SLC44A5: variants seen among roughly 807,000 people sequenced by gnomAD.
SLC44A5 encodes choline transporter-like protein 5.
Under a neutral mutation model 101.8 loss-of-function variants are expected in SLC44A5, and 57 were observed. The observed-to-expected ratio is 0.56, with a 90% CI of 0.45 to 0.70. SLC44A5 has a LOEUF of 0.70. SLC44A5 is among the 30% of genes least tolerant of loss of function. The probability of loss-of-function intolerance (pLI) is 0.00; values close to 1 mark genes in which losing one functional copy is unlikely to be tolerated. For missense variants in SLC44A5, 737 were observed against 853.1 expected (o/e 0.86, Z 1.70); for synonymous variants, 281 against 290.9 (o/e 0.97, Z 0.35).
At chr1:75,357,554 A>G (rs1422055949) in intron 3 of SLC44A5, among the ~76,000 whole-genome samples, 2 of 152,158 alleles carry the variant, frequency 1.3e-5, no homozygotes, top group Non-Finnish European at 2.9e-5. Context: ...GAGGAAACAC[A>G]AAGGCCCTGG....
chr1:75,585,495 T>C (rs1371014050), intron 1 of SLC44A5, among the ~76,000 whole-genome samples: 1 of 152,160 alleles, frequency 6.6e-6, no homozygotes, highest in Non-Finnish European at 1.5e-5. Context: ...CAGTACATAT[T>C]AAAAACCAAA....
intron 11 of SLC44A5, 81 bp downstream of exon 11, chr1:75,236,906 A>T: frequency 1.4e-6 from 1 of 714,276 alleles, no homozygotes. Context: ...ATGAATAAAA[A>T]TATAAAATTT....
chr1:75,541,135 A>G (rs1190207862), intron 2 of SLC44A5, among the ~76,000 whole-genome samples: 1 of 152,170 alleles, frequency 6.6e-6, no homozygotes, highest in East Asian at 1.9e-4. Context: ...CAGAATTGAC[A>G]TAAGTGTGCC....
chr1:75,498,273 A>C (rs1668777115), intron 2 of SLC44A5, among the ~76,000 whole-genome samples: 2 of 152,146 alleles, frequency 1.3e-5, no homozygotes, highest in African/African-American at 4.8e-5. Flanking sequence ...GTGCATGTAC[A>C]CTGCACCTGC....
the SLC44A5 span, among the ~76,000 whole-genome samples, chr1:75,664,801 G>C: frequency 6.6e-6 from 1 of 151,704 alleles, no homozygotes; most frequent in Admixed American, 6.6e-5. Flanking sequence ...GGCGCCTGTA[G>C]TCCCAGCTAC....
intron 1 of SLC44A5, among the ~76,000 whole-genome samples, chr1:75,580,246 A>G (rs1486158326): frequency 1.3e-5 from 2 of 152,242 alleles, no homozygotes; most frequent in African/African-American, 2.4e-5. Flanking sequence ...AAATAAAAAT[A>G]AAAAAGCAAA....
intron 3 of SLC44A5, among the ~76,000 whole-genome samples, chr1:75,363,747 T>C (rs868817455): frequency 2.0e-5 from 3 of 152,194 alleles, no homozygotes; most frequent in Middle Eastern, 3.2e-3. Context: ...TATAATTATG[T>C]ATTACTTATT....
At chr1:75,358,372 T>A (rs1659234780) in intron 3 of SLC44A5, among the ~76,000 whole-genome samples, 1 of 152,224 alleles carries the variant, frequency 6.6e-6, no homozygotes, top group Non-Finnish European at 1.5e-5. Context: ...TTTATATATT[T>A]AAGACTCAAT....
At chr1:75,644,286 C>T in the SLC44A5 span, among the ~76,000 whole-genome samples, 1 of 151,822 alleles carries the variant, frequency 6.6e-6, no homozygotes, top group East Asian at 1.9e-4. Context: ...GTCATTTAAC[C>T]ATATGTGCAT....
Position 75,580,847 on chromosome 1 carries a change from AAC to A in SLC44A5, c.-70+30191_-70+30192del, listed in dbSNP as rs1673651536. ...AGCAAGACTCTGTCTCAAAAAAAAAAACAAAGAAAAAGAAAAACAAAGAAAGG... is the reference window on the plus strand; with the variant it reads ...AGCAAGACTCTGTCTCAAAAAAAAAAAAAGAAAAAGAAAAACAAAGAAAGG... On this transcript the variant is annotated intron_variant, in intron 1 of 23. Coordinates refer to ENST00000370859, the MANE Select transcript of SLC44A5 (RefSeq NM_001130058.2). 7.9e-5 allele frequency among the ~76,000 whole-genome samples: 12 copies of A among 151,050 alleles called. 1 individual carries two copies. Among genetic ancestry groups the A allele is most frequent in the Non-Finnish European group, 8.9e-5 (6 of 67,578 alleles).
chr1:75,643,138 C>T, the SLC44A5 span, among the ~76,000 whole-genome samples: 1 of 152,056 alleles, frequency 6.6e-6, no homozygotes. Flanking sequence ...GAAAGATTTG[C>T]TCTTGTGAGC....
chr1:75,656,236 C>A, the SLC44A5 span, among the ~76,000 whole-genome samples: 3 of 152,162 alleles, frequency 2.0e-5, no homozygotes, highest in Non-Finnish European at 4.4e-5. Flanking sequence ...CACCACCAGA[C>A]CTGTCTTACA....
At chr1:75,256,230 G>T (rs1481692162) in intron 6 of SLC44A5, among the ~76,000 whole-genome samples, 2 of 152,076 alleles carry the variant, frequency 1.3e-5, no homozygotes, top group African/African-American at 2.4e-5. Context: ...TATGCAATAG[G>T]CCTACAATTT....
intron 6 of SLC44A5, among the ~76,000 whole-genome samples, chr1:75,264,874 G>C (rs1023638140): frequency 2.2e-4 from 34 of 151,844 alleles, no homozygotes; most frequent in African/African-American, 7.7e-4. Flanking sequence ...CTGCTAGCTA[G>C]GCTAACCAAG....
chr1:75,335,573 C>T (rs1201588954), intron 4 of SLC44A5, among the ~76,000 whole-genome samples: 1 of 152,156 alleles, frequency 6.6e-6, no homozygotes, highest in East Asian at 1.9e-4. Context: ...ATCAATTTGA[C>T]TTGGTGCCCT....
intron 4 of SLC44A5, among the ~76,000 whole-genome samples, chr1:75,306,733 C>CTTTTTTTTTTTTTTTTTTTT (rs771955227): frequency 9.7e-6 from 1 of 102,588 alleles, no homozygotes; most frequent in African/African-American, 4.2e-5. Context: ...GGTTTCCTTT[C>CTTTTTTTTTTTTTTTTTTTT]TTTTTTTTTT....
At chr1:75,618,533 T>C in the SLC44A5 span, among the ~76,000 whole-genome samples, 865 of 152,310 alleles carry the variant, frequency 5.7e-3, 13 homozygotes, top group Admixed American at 0.034. Context: ...CAGTCATGCA[T>C]TGCTTAACAA....
chr1:75,590,790 T>C (rs1387237134), intron 1 of SLC44A5, among the ~76,000 whole-genome samples: 2 of 152,018 alleles, frequency 1.3e-5, no homozygotes, highest in Non-Finnish European at 2.9e-5. Context: ...CAACAATAAA[T>C]AGAAAATCAG....
At chr1:75,258,064 C>G (rs573260249) in intron 6 of SLC44A5, among the ~76,000 whole-genome samples, 24 of 152,272 alleles carry the variant, frequency 1.6e-4, no homozygotes, top group African/African-American at 4.8e-4. Flanking sequence ...AGAAGATTCA[C>G]TCCAGGGCCC....
Sources: gnomAD v4.1 joint callset for allele counts (sites outside exome capture counted in the v4.1 genomes callset) on GRCh38, gnomAD v4.1.1 for gene constraint, MANE v1.5 for transcripts, NCBI Gene and HGNC (gene_info 2026-07-23, HGNC 2026-07-21) for gene names.